The following SSTR3 variants were observed in gnomAD, a reference collection of about 807,000 sequenced individuals.
SSTR3 encodes the protein somatostatin receptor 3, also known as somatostatin receptor type 3.
For missense variants in SSTR3, 504 were observed against 604.7 expected (o/e 0.83, Z 1.75); for synonymous variants, 281 against 269.2 (o/e 1.04, Z -0.43).
chr22:37,205,093 G>A lies in SSTR3; in HGVS notation c.*1454C>T, dbSNP rs1355603090. On this transcript the variant is annotated 3_prime_UTR_variant, in exon 2 of 2. Transcript: ENST00000610913. ...TCTTCTTGTCTTCCCTGGGCCTCCC[G>A]ACCTGTAGTCTCCAGGATGATAGAG... The A allele has an allele frequency of 2.0e-5, 3 of 152,434 alleles. No individual in the cohort carries two copies. The highest frequency in any genetic ancestry group is 2.9e-5 in the Non-Finnish European group (2 of 68,248). The allele number at this position is 152,434 out of a possible 1,614,324, so 9.4% of individuals were successfully genotyped here. A position where few individuals can be genotyped will look rare whatever the true frequency, so the allele number is the denominator to read the frequency against.
upstream of SSTR3, among the ~76,000 whole-genome samples, chr22:37,214,902 C>T (rs1569083507): frequency 1.3e-5 from 2 of 152,160 alleles, no homozygotes; most frequent in Non-Finnish European, 2.9e-5. Context: ...TGAAACTCAC[C>T]GGTGCCGCGA....
chr22:37,213,276 G>A (rs1358037028), upstream of SSTR3, among the ~76,000 whole-genome samples: 1 of 152,214 alleles, frequency 6.6e-6, no homozygotes, highest in Non-Finnish European at 1.5e-5. Flanking sequence ...AGGCCCAGAT[G>A]TCTTGGGATG....
the SSTR3 span, among the ~76,000 whole-genome samples, chr22:37,220,054 G>A: frequency 6.6e-6 from 1 of 152,156 alleles, no homozygotes; most frequent in African/African-American, 2.4e-5. Context: ...GTCCTTCTGT[G>A]TGTTTGAGCT....
intron 1 of SSTR3, chr22:37,210,920 G>T: frequency 1.0e-6 from 1 of 985,476 alleles, no homozygotes; most frequent in South Asian, 4.7e-5. Flanking sequence ...TCAACAAGGA[G>T]AGCTCCAAGG....
At chr22:37,218,399 T>C in the SSTR3 span, among the ~76,000 whole-genome samples, 2 of 151,986 alleles carry the variant, frequency 1.3e-5, no homozygotes, top group African/African-American at 2.4e-5. Flanking sequence ...CTACTAAAAA[T>C]ACAAAATTAG....
At position 37,205,114 on chromosome 22, in the gene SSTR3, T is replaced by C. The variant is rs953732432; in HGVS notation, c.*1433A>G. The C allele has an allele frequency of 6.6e-6, 1 of 152,372 alleles. No homozygotes were observed. The highest frequency in any genetic ancestry group is 1.5e-5 in the Non-Finnish European group (1 of 68,180). The allele number at this position is 152,372 out of a possible 1,614,324, so 9.4% of individuals were successfully genotyped here. The stretch of plus-strand genomic sequence containing the variant: ...TCCCGACCTGTAGTCTCCAGGATGA[T>C]AGAGCATGGGGAGGGAGCTCCCCAG... On this transcript the variant is annotated 3_prime_UTR_variant, in exon 2 of 2. Transcript: ENST00000610913.
At position 37,206,626 on chromosome 22, in the gene SSTR3, G is replaced by A; in HGVS notation, c.1178C>T (p.Ala393Val). ...SGQERPPSRVASKEQQLLPQE... is the reference protein window; with the variant it reads ...SGQERPPSRVVSKEQQLLPQE... ...GGGTAGGAGCTGCTGCTCCTTGCTG[G>A]CCACTCTGCTGGGCGGCCGCTCCTG... The change falls in exon 2 of 2, where the codon GCC (alanine) becomes GTC (valine). Residue 393 changes from alanine to valine, a missense_variant. Transcript: ENST00000610913. 1 of 1,611,892 alleles carries A rather than the reference G, an allele frequency of 6.2e-7. No homozygotes were observed. Among genetic ancestry groups the A allele is most frequent in the Non-Finnish European group, 8.5e-7 (1 of 1,180,004 alleles).
upstream of SSTR3, among the ~76,000 whole-genome samples, chr22:37,214,321 C>T (rs1031399485): frequency 7.2e-5 from 11 of 152,206 alleles, no homozygotes; most frequent in African/African-American, 9.7e-5. Context: ...GGAGCTAAAA[C>T]GCCTTGTGAA....
chr22:37,215,545 T>A (rs551515038), upstream of SSTR3, among the ~76,000 whole-genome samples: 9 of 152,304 alleles, frequency 5.9e-5, no homozygotes, highest in Non-Finnish European at 7.4e-5. Flanking sequence ...AACTTTTTTT[T>A]AAATAAAAGA....
chr22:37,207,635 C>G lies in SSTR3; in HGVS notation c.169G>C (p.Val57Leu), dbSNP rs763813232. 6.2e-6 allele frequency: 10 copies of G among 1,600,112 alleles called. No individual in the cohort carries two copies. In the East Asian group the frequency reaches 1.6e-4, roughly 25 times the overall value. Residue 57 changes from valine (V) to leucine (L), a missense_variant, in exon 2 of 2, where the codon GTG (valine) becomes CTG (leucine). Physicochemically the swap from Val to Leu is conservative, Grantham distance 32. Coordinates refer to ENST00000610913, the MANE Select transcript of SSTR3 (RefSeq NM_001051.5). Reference sequence around the variant, plus strand: ...ACCAGCGAGTTACCCAGCAGGCCCACCACGCACACCACCAGGTAGACCAGG... The same window carrying G: ...ACCAGCGAGTTACCCAGCAGGCCCAGCACGCACACCACCAGGTAGACCAGG... Reference protein sequence around the residue: ...IPLVYLVVCVVGLLGNSLVIY... With the variant: ...IPLVYLVVCVLGLLGNSLVIY...
At chr22:37,218,354 G>C in the SSTR3 span, among the ~76,000 whole-genome samples, 11 of 152,254 alleles carry the variant, frequency 7.2e-5, no homozygotes, top group African/African-American at 2.2e-4. Flanking sequence ...GTGGGAGTTC[G>C]AGACCAGCCT....
At position 37,204,523 on chromosome 22, in the gene SSTR3, C is replaced by A. The variant is rs4821599; in HGVS notation, c.*2024G>T. The A allele has an allele frequency of 0.23, 34,440 of 152,286 alleles. 4,323 individuals carry two copies. The highest frequency in any genetic ancestry group is 0.58 in the East Asian group (3,003 of 5,162). The allele number at this position is 152,286 out of a possible 1,614,324, so 9.4% of individuals were successfully genotyped here. ...TCTCTTCTGATGGTCCCACACTCTC[C>A]CCAAGCCCTGCCTCCCTAACCCTTG... On this transcript the variant is annotated 3_prime_UTR_variant, in exon 2 of 2. Coordinates refer to ENST00000610913, the MANE Select transcript of SSTR3 (RefSeq NM_001051.5).
upstream of SSTR3, among the ~76,000 whole-genome samples, chr22:37,213,682 G>A (rs1044465113): frequency 6.6e-6 from 1 of 152,182 alleles, no homozygotes; most frequent in African/African-American, 2.4e-5. Flanking sequence ...AGGTGTGGGT[G>A]GGCTCCTGGG....
chr22:37,210,404 G>A (rs1402848084), intron 1 of SSTR3: 12 of 549,826 alleles, frequency 2.2e-5, no homozygotes, highest in Non-Finnish European at 2.8e-5. Context: ...AGGGCATGCA[G>A]TCGCCCCTCC....
Position 37,206,208 on chromosome 22 carries a change from T to G in SSTR3, c.*339A>C. ...ATCCCTCTGAGGGCCAAGATTCTAG[T>G]TGATGCCCCAAGACACTCCATCCCT... On this transcript the variant is annotated 3_prime_UTR_variant, in exon 2 of 2. Transcript: ENST00000610913. 1 of 240,340 alleles carries G rather than the reference T, an allele frequency of 4.2e-6. No homozygotes were observed. Among genetic ancestry groups the G allele is most frequent in the East Asian group, 8.5e-5 (1 of 11,696 alleles). 14.9% of individuals were successfully genotyped at this position (240,340 alleles called of 1,614,324 possible).
chr22:37,207,128 A>G lies in SSTR3; in HGVS notation c.676T>C (p.Tyr226His), dbSNP rs1457082553. The G allele has an allele frequency of 2.5e-6, 4 of 1,612,614 alleles. No homozygotes were observed. The highest frequency in any genetic ancestry group is 3.4e-6 in the Non-Finnish European group (4 of 1,179,694). Reference sequence around the variant, plus strand: ...CGCACCTTCACCACGATGAGCAGGTAGCAGAGGCAGATGACCAGCAGCGGC... The same window carrying G: ...CGCACCTTCACCACGATGAGCAGGTGGCAGAGGCAGATGACCAGCAGCGGC... ...FGPLLVICLCYLLIVVKVRSA... is the reference protein window; with the variant it reads ...FGPLLVICLCHLLIVVKVRSA... The change falls in exon 2 of 2, where the codon TAC (tyrosine) becomes CAC (histidine). Residue 226 changes from tyrosine (Y) to histidine (H), a missense_variant. By Grantham distance (83) the Tyr-to-His change is moderately conservative. Transcript: ENST00000610913.
upstream of SSTR3, among the ~76,000 whole-genome samples, chr22:37,214,524 G>C (rs568059251): frequency 6.6e-6 from 1 of 152,014 alleles, no homozygotes; most frequent in Admixed American, 6.6e-5. Context: ...GGCGGGAGGC[G>C]GGGGGGCTCC....
intron 1 of SSTR3, among the ~76,000 whole-genome samples, chr22:37,211,227 C>T (rs945957341): frequency 6.6e-6 from 1 of 152,230 alleles, no homozygotes; most frequent in Non-Finnish European, 1.5e-5. Flanking sequence ...TGCTTGTCCT[C>T]TACATGCTTC....
At chr22:37,208,430 G>A (rs868630264) in intron 1 of SSTR3, among the ~76,000 whole-genome samples, 1 of 151,980 alleles carries the variant, frequency 6.6e-6, no homozygotes, top group South Asian at 2.1e-4. Context: ...GTCCTTAGGT[G>A]CCCCCTCAGC....
Sources: allele counts gnomAD v4.1 joint callset (sites outside exome capture counted in the v4.1 genomes callset), GRCh38; gene constraint gnomAD v4.1.1; transcripts MANE v1.5; gene names NCBI Gene and HGNC (gene_info 2026-07-23, HGNC 2026-07-21).